The following CTNNA1 variants were observed in gnomAD, a reference collection of about 807,000 sequenced individuals.
CTNNA1 encodes the protein catenin alpha-1.
In CTNNA1, 37 loss-of-function variants were observed where a neutral mutation model predicts 98.4. That is an observed-to-expected ratio of 0.38 (90% CI 0.29 to 0.49). The LOEUF (loss-of-function observed/expected upper bound fraction) is 0.49. Among genes scored for constraint, CTNNA1 ranks in the 20% least tolerant of loss-of-function variants. CTNNA1 has a pLI of 0.95. For synonymous variants in CTNNA1, 404 were observed against 413.2 expected, an observed-to-expected ratio of 0.98 and a Z score of 0.27; for missense variants, 761 against 1,147.2, an observed-to-expected ratio of 0.66 and a Z score of 4.86.
intron 5 of CTNNA1, among the ~76,000 whole-genome samples, chr5:138,822,839 C>T (rs1760174528): frequency 6.6e-6 from 1 of 152,096 alleles, no homozygotes; most frequent in Non-Finnish European, 1.5e-5. Flanking sequence ...AAGATGCAAA[C>T]CTAAATATAT....
At position 138,887,633 on chromosome 5, in the gene CTNNA1, A is replaced by G. The variant is rs2150033141; in HGVS notation, c.1287A>G (p.Lys429=). 1 of 1,609,760 alleles carries G rather than the reference A, an allele frequency of 6.2e-7. No individual in the cohort carries two copies. The highest frequency in any genetic ancestry group is 8.5e-7 in the Non-Finnish European group (1 of 1,178,700). ...YAQVFREHAN[K]LIEVANLACS... ...AAGTTTTCCGTGAACATGCCAACAA[A>G]TTGATTGAGGTAAGTGAATTAGCAG... The change falls in exon 9 of 18, where the codon AAA becomes AAG. Residue 429 remains lysine (K), a synonymous_variant. Transcript: ENST00000302763.
chr5:138,787,067 T>A (rs1043822942), intron 3 of CTNNA1, among the ~76,000 whole-genome samples: 10 of 152,108 alleles, frequency 6.6e-5, no homozygotes, highest in African/African-American at 1.9e-4. Flanking sequence ...ACTGTTGACG[T>A]TGTTTAGGAT....
chr5:138,827,749 A>G (rs1760863677), intron 7 of CTNNA1, 31 bp downstream of exon 7: 2 of 1,611,276 alleles, frequency 1.2e-6, no homozygotes, highest in Non-Finnish European at 1.7e-6. Flanking sequence ...TTGAAGTAAG[A>G]TATTTATGGA....
intron 7 of CTNNA1, among the ~76,000 whole-genome samples, chr5:138,850,560 AAT>A (rs1408356915): frequency 5.3e-5 from 8 of 152,258 alleles, no homozygotes; most frequent in Non-Finnish European, 8.8e-5. Context: ...TCTTCTTTCA[AAT>A]GTTTATCTTA....
chr5:138,776,033 A>C (rs1754094664), intron 1 of CTNNA1, among the ~76,000 whole-genome samples: 1 of 117,024 alleles, frequency 8.5e-6, no homozygotes, highest in Middle Eastern at 5.4e-3. Context: ...GCCTCTGGAA[A>C]TGTTTCTTTT....
chr5:138,815,465 G>A (rs1264464687), intron 5 of CTNNA1, among the ~76,000 whole-genome samples: 3 of 152,036 alleles, frequency 2.0e-5, no homozygotes, highest in Non-Finnish European at 4.4e-5. Flanking sequence ...TGATGCTAGG[G>A]TGTTACTCTT....
chr5:138,892,909 G>A (rs1001197977), intron 9 of CTNNA1, among the ~76,000 whole-genome samples: 2 of 151,942 alleles, frequency 1.3e-5, no homozygotes, highest in Non-Finnish European at 2.9e-5. Flanking sequence ...CCAGCTACTC[G>A]GGAGGCTGAG....
chr5:138,807,021 T>C (rs1452171940), intron 3 of CTNNA1, among the ~76,000 whole-genome samples: 1 of 150,606 alleles, frequency 6.6e-6, no homozygotes, highest in African/African-American at 2.4e-5. Flanking sequence ...TTTTTTTTTT[T>C]TTTTTTTGAG....
In CTNNA1 at chr5:138,874,524, T is replaced by C; in HGVS notation, c.1063-11688T>C. 2 of 1,587,320 alleles carry C rather than the reference T, an allele frequency of 1.3e-6. No homozygotes were observed. The highest frequency in any genetic ancestry group is 1.7e-6 in the Non-Finnish European group (2 of 1,163,902). ...CTCATTGCATATATTGCTGCCAGCA[T>C]AGGGGCCCCTAATGGCCACTTGAAA... On this transcript the variant is annotated intron_variant, in intron 7 of 17. Transcript: ENST00000302763. The surrounding 1 kb of genome is among the most constrained non-coding windows in gnomAD (Gnocchi z 4.1).
intron 3 of CTNNA1, among the ~76,000 whole-genome samples, chr5:138,803,785 T>A (rs1757812837): frequency 6.6e-6 from 1 of 152,192 alleles, no homozygotes; most frequent in South Asian, 2.1e-4. Context: ...CTCCTTTCTG[T>A]CACTGCCCCC....
rs374953123 is a variant in CTNNA1 at position 138,933,791 on chromosome 5, C to G, written c.2434-11C>G. 1 of 1,610,726 alleles carries G rather than the reference C, an allele frequency of 6.2e-7. No homozygotes were observed. Among genetic ancestry groups the G allele is most frequent in the African/African-American group, 1.3e-5 (1 of 74,996 alleles). The stretch of plus-strand genomic sequence containing the variant: ...GGCCGGTGCTTCTTACCACCCCTGT[C>G]TGCCTCGTAGGTGGACAGCGCCATG... On this transcript the variant is annotated splice_polypyrimidine_tract_variant and intron_variant, in intron 17 of 17. Transcript: ENST00000302763.
At chr5:138,914,632 G>A (rs1561726929) in intron 10 of CTNNA1, among the ~76,000 whole-genome samples, 1 of 151,870 alleles carries the variant, frequency 6.6e-6, no homozygotes, top group African/African-American at 2.4e-5. Flanking sequence ...AATCTAGTGG[G>A]CCTGAGTCGT....
chr5:138,837,961 A>C (rs1761950200), intron 7 of CTNNA1, among the ~76,000 whole-genome samples: 1 of 151,686 alleles, frequency 6.6e-6, no homozygotes, highest in African/African-American at 2.4e-5. Context: ...CCCAGAGCCT[A>C]AAGTATTTGC....
At chr5:138,827,751 A>G in intron 7 of CTNNA1, 33 bp downstream of exon 7, 2 of 1,611,292 alleles carry the variant, frequency 1.2e-6, no homozygotes, top group East Asian at 2.2e-5. Flanking sequence ...GAAGTAAGAT[A>G]TTTATGGATG....
rs288025 is a variant in CTNNA1 at position 138,887,944 on chromosome 5, A to G, written c.1296+302A>G. 0.31 allele frequency among the ~76,000 whole-genome samples: 46,926 copies of G among 152,078 alleles called. 7,394 individuals carry two copies. Among genetic ancestry groups the G allele is most frequent in the African/African-American group, 0.37 (15,223 of 41,468 alleles). ...TCAAAAGATAGGATAGAAAGCAACA[A>G]TGCCTAAGAACCAGAGCTCAGGAAC... On this transcript the variant is annotated intron_variant, in intron 9 of 17. Transcript: ENST00000302763.
At chr5:138,795,229 AG>A (rs1382057155) in intron 3 of CTNNA1, among the ~76,000 whole-genome samples, 4 of 149,734 alleles carry the variant, frequency 2.7e-5, no homozygotes, top group Non-Finnish European at 5.9e-5. Context: ...TGGGAGGCCG[AG>A]GTGGGTGGAT....
chr5:138,874,404 G>A lies in CTNNA1; in HGVS notation c.1063-11808G>A, dbSNP rs1751054472. 1.2e-6 allele frequency: 2 copies of A among 1,613,846 alleles called. No individual in the cohort carries two copies. The highest frequency in any genetic ancestry group is 2.2e-5 in the South Asian group (2 of 91,076). On this transcript the variant is annotated intron_variant, in intron 7 of 17. Transcript: ENST00000302763. This position sits in a 1 kb window ranked among gnomAD's most constrained non-coding sequence, Gnocchi z 4.1. ...TTGTCTGTGGCGTTTGGCACTGAGT[G>A]GAAGCCCTGAGAGTCGCAGTAGAAG...
intron 3 of CTNNA1, among the ~76,000 whole-genome samples, chr5:138,786,806 C>G (rs1212539826): frequency 6.6e-6 from 1 of 152,134 alleles, no homozygotes; most frequent in African/African-American, 2.4e-5. Context: ...TCAGTCCTGA[C>G]CAACCCCAAA....
intron 9 of CTNNA1, among the ~76,000 whole-genome samples, chr5:138,903,825 TA>T (rs550375843): frequency 4.8e-4 from 73 of 152,356 alleles, no homozygotes; most frequent in African/African-American, 1.7e-3. Flanking sequence ...GTCTTCATGT[TA>T]TTTTTTTTTG....
Sources: allele counts gnomAD v4.1 joint callset (sites outside exome capture counted in the v4.1 genomes callset), GRCh38; gene constraint gnomAD v4.1.1; non-coding constraint Gnocchi (gnomAD v3.1); transcripts MANE v1.5; gene names NCBI Gene and HGNC (gene_info 2026-07-23, HGNC 2026-07-21).